Variants in GRM5 observed in about 807,000 individuals in gnomAD.
GRM5 encodes glutamate metabotropic receptor 5, also known as metabotropic glutamate receptor 5.
Under a neutral mutation model 83.1 loss-of-function variants are expected in GRM5, and 19 were observed. That is an observed-to-expected ratio of 0.23 (90% CI 0.16 to 0.34). GRM5 has a LOEUF of 0.34. Ranked by LOEUF, GRM5 falls within the 10% of genes least tolerant of loss-of-function variation. The pLI, the probability that GRM5 is intolerant of heterozygous loss-of-function variation, is 1.00. For synonymous variants in GRM5, 675 were observed against 633.6 expected (o/e 1.07, Z -0.98); for missense variants, 1,160 against 1,588.3 (o/e 0.73, Z 4.58).
intron 2 of GRM5, among the ~76,000 whole-genome samples, chr11:89,022,996 G>T (rs1241260302): frequency 6.6e-6 from 1 of 152,114 alleles, no homozygotes; most frequent in African/African-American, 2.4e-5. Context: ...CCAAGAATGT[G>T]TATTTCTGAC....
Position 89,054,379 on chromosome 11 carries a change from A to G in GRM5, c.-200-6307T>C, listed in dbSNP as rs554143500. Among the ~76,000 whole-genome samples, 22 of 152,294 alleles carry G rather than the reference A, an allele frequency of 1.4e-4. No homozygotes were observed. In the South Asian group the frequency reaches 4.6e-3, roughly 32 times the overall value. ...CGGCTGTGGTGGAGAATGCGGCGGC[A>G]AGGATGTGGATGGAAACAACAAAAC... is the stretch of plus-strand genomic sequence containing the variant. On this transcript the variant is annotated intron_variant, in intron 1 of 9. Coordinates refer to ENST00000305447, the MANE Select transcript of GRM5 (RefSeq NM_001143831.3).
At chr11:88,591,152 G>A (rs1034415742) in intron 6 of GRM5, among the ~76,000 whole-genome samples, 1 of 152,086 alleles carries the variant, frequency 6.6e-6, no homozygotes, top group Non-Finnish European at 1.5e-5. Flanking sequence ...ATAATTGTGA[G>A]CAAAAAACAT....
chr11:89,017,151 T>G (rs1350282032), intron 2 of GRM5, among the ~76,000 whole-genome samples: 1 of 152,246 alleles, frequency 6.6e-6, no homozygotes, highest in South Asian at 2.1e-4. Context: ...AACGTTTGAC[T>G]CCACTAAAAA....
intron 9 of GRM5, among the ~76,000 whole-genome samples, chr11:88,523,392 C>T (rs1259432850): frequency 6.6e-6 from 1 of 152,162 alleles, no homozygotes; most frequent in Non-Finnish European, 1.5e-5. Context: ...GGTGAAGTCA[C>T]TTTAACCTTG....
intron 4 of GRM5, among the ~76,000 whole-genome samples, chr11:88,636,764 A>G (rs2135279697): frequency 6.6e-6 from 1 of 152,266 alleles, no homozygotes; most frequent in South Asian, 2.1e-4. Flanking sequence ...TCAGCTTTCT[A>G]CATATGGCTA....
At chr11:88,786,665 C>G (rs895653201) in intron 3 of GRM5, among the ~76,000 whole-genome samples, 1 of 152,132 alleles carries the variant, frequency 6.6e-6, no homozygotes, top group African/African-American at 2.4e-5. Flanking sequence ...CACATATCAT[C>G]TTCTCATTAA....
rs138058808 is a variant in GRM5, at chr11:88,901,903, G to T, written c.662-51748C>A. On this transcript the variant is annotated intron_variant, in intron 2 of 9. Coordinates refer to ENST00000305447, the MANE Select transcript of GRM5 (RefSeq NM_001143831.3). ...TCAACTTTGTTTTCCCATCTCTTAG[G>T]CAAACAGCCAAAATAAGTTCCATAG... Among the ~76,000 whole-genome samples the T allele has an allele frequency of 2.2e-3, 331 of 152,116 alleles. 1 individual carries two copies. Among genetic ancestry groups the T allele is most frequent in the African/African-American group, 7.8e-3 (324 of 41,496 alleles).
At chr11:88,614,365 C>T (rs1162490381) in intron 4 of GRM5, among the ~76,000 whole-genome samples, 2 of 152,120 alleles carry the variant, frequency 1.3e-5, no homozygotes, top group African/African-American at 4.8e-5. Context: ...CAAGATGCTT[C>T]CTAAGTAGTA....
intron 4 of GRM5, among the ~76,000 whole-genome samples, chr11:88,632,328 G>A (rs1938998401): frequency 6.7e-6 from 1 of 148,244 alleles, no homozygotes; most frequent in Non-Finnish European, 1.5e-5. Flanking sequence ...CTCACTGCAG[G>A]CTTAAGCGAT....
intron 8 of GRM5, among the ~76,000 whole-genome samples, chr11:88,531,437 T>C (rs1942004664): frequency 6.6e-6 from 1 of 152,122 alleles, no homozygotes; most frequent in South Asian, 2.1e-4. Context: ...AATTTACAAA[T>C]GTGCTACAAC....
intron 2 of GRM5, among the ~76,000 whole-genome samples, chr11:89,006,319 T>C (rs1455191321): frequency 2.0e-5 from 3 of 152,324 alleles, no homozygotes; most frequent in African/African-American, 4.8e-5. Flanking sequence ...TGAGATAAGT[T>C]ATGCATTTAC....
At chr11:88,668,448 CATTTT>C (rs1396786295) in intron 3 of GRM5, among the ~76,000 whole-genome samples, 2 of 151,716 alleles carry the variant, frequency 1.3e-5, no homozygotes, top group Admixed American at 6.6e-5. Context: ...AGGAAAACTT[CATTTT>C]ATAAGTCCAG....
At chr11:88,871,483 A>T (rs150496022) in intron 2 of GRM5, among the ~76,000 whole-genome samples, 54 of 151,766 alleles carry the variant, frequency 3.6e-4, no homozygotes, top group African/African-American at 1.3e-3. Flanking sequence ...TAGGACTGAA[A>T]GAAGGCAGCA....
intron 2 of GRM5, among the ~76,000 whole-genome samples, chr11:89,015,636 G>A (rs1238839639): frequency 6.6e-6 from 1 of 152,184 alleles, no homozygotes; most frequent in African/African-American, 2.4e-5. Flanking sequence ...TTTATTCTGT[G>A]TGTGTTTTAA....
chr11:89,003,134 C>G (rs7125795), intron 2 of GRM5, among the ~76,000 whole-genome samples: 3 of 152,182 alleles, frequency 2.0e-5, no homozygotes, highest in Admixed American at 2.0e-4. Flanking sequence ...CAAACACTTG[C>G]TTACTATTTA....
chr11:88,825,296 A>G (rs1234688272), intron 3 of GRM5, among the ~76,000 whole-genome samples: 1 of 151,086 alleles, frequency 6.6e-6, no homozygotes, highest in African/African-American at 2.4e-5. Flanking sequence ...TTGTTGATGT[A>G]TATTGTTTTT....
At chr11:88,639,391 T>C (rs1939228335) in intron 4 of GRM5, among the ~76,000 whole-genome samples, 1 of 152,184 alleles carries the variant, frequency 6.6e-6, no homozygotes, top group Non-Finnish European at 1.5e-5. Context: ...ACATCTTTTA[T>C]TTCTTGTCTC....
chr11:88,977,527 A>G (rs1939380740), intron 2 of GRM5, among the ~76,000 whole-genome samples: 1 of 152,232 alleles, frequency 6.6e-6, no homozygotes, highest in Non-Finnish European at 1.5e-5. Flanking sequence ...GTTCATTAAC[A>G]AAAATAAAGT....
intron 3 of GRM5, among the ~76,000 whole-genome samples, chr11:88,654,284 T>C (rs1403106243): frequency 6.6e-6 from 1 of 152,002 alleles, no homozygotes; most frequent in African/African-American, 2.4e-5. Flanking sequence ...ATTTGGAAAA[T>C]ACATGAAACA....
Sources: allele counts gnomAD v4.1 joint callset (sites outside exome capture counted in the v4.1 genomes callset), GRCh38; gene constraint gnomAD v4.1.1; transcripts MANE v1.5; gene names NCBI Gene and HGNC (gene_info 2026-07-23, HGNC 2026-07-21).